Variants in CTNNA3 observed in about 807,000 individuals in gnomAD.
CTNNA3 encodes catenin alpha-3.
In CTNNA3, 76 loss-of-function variants were observed where a neutral mutation model predicts 95.7. The ratio of observed to expected loss-of-function variants is 0.79; its 90% CI spans 0.66 to 0.96. The LOEUF (loss-of-function observed/expected upper bound fraction) is 0.96. Ranked by LOEUF, CTNNA3 falls within the 40% of genes least tolerant of loss-of-function variation. The pLI, the probability that CTNNA3 is intolerant of heterozygous loss-of-function variation, is 0.00. For missense variants in CTNNA3, 1,191 were observed against 1,089.8 expected, an observed-to-expected ratio of 1.09 and a Z score of -1.31; for synonymous variants, 431 against 374.4, an observed-to-expected ratio of 1.15 and a Z score of -1.74.
At chr10:66,812,492 T>A (rs780282328) in intron 7 of CTNNA3, among the ~76,000 whole-genome samples, 13 of 152,168 alleles carry the variant, frequency 8.5e-5, no homozygotes, top group Non-Finnish European at 1.5e-4. Flanking sequence ...TTAGGCTGTA[T>A]AAGTTTGAAT....
At chr10:66,627,473 C>CTT (rs1407224399) in intron 9 of CTNNA3, among the ~76,000 whole-genome samples, 1 of 302 alleles carries the variant, frequency 3.3e-3, no homozygotes, top group African/African-American at 0.011. Context: ...TCCATAAAGT[C>CTT]TTTATTTCTT....
intron 7 of CTNNA3, chr10:66,928,488 C>G (rs781635345): frequency 6.5e-7 from 1 of 1,539,410 alleles, no homozygotes; most frequent in Non-Finnish European, 8.7e-7. Flanking sequence ...CTCTTAAAAG[C>G]TGGGAAATAA....
intron 7 of CTNNA3, among the ~76,000 whole-genome samples, chr10:67,051,453 T>C (rs1855090017): frequency 9.6e-6 from 1 of 104,224 alleles, no homozygotes; most frequent in African/African-American, 3.5e-5. Context: ...TTTTTTCTTT[T>C]TTCTTTTTTC....
chr10:66,667,553 T>TA (rs1846500637), intron 9 of CTNNA3, among the ~76,000 whole-genome samples: 1 of 152,196 alleles, frequency 6.6e-6, no homozygotes, highest in African/African-American at 2.4e-5. Context: ...TATTTTTTTT[T>TA]ATTTGTACAC....
At chr10:67,116,621 G>C (rs1271640038) in intron 7 of CTNNA3, among the ~76,000 whole-genome samples, 1 of 151,166 alleles carries the variant, frequency 6.6e-6, no homozygotes, top group African/African-American at 2.4e-5. Flanking sequence ...TTATATAAAG[G>C]CTACAGTCAA....
chr10:67,760,739 G>A (rs1162638443), intron 1 of CTNNA3, among the ~76,000 whole-genome samples: 1 of 152,084 alleles, frequency 6.6e-6, no homozygotes, highest in Non-Finnish European at 1.5e-5. Flanking sequence ...TCTCATAGGA[G>A]CATGAACCCT....
intron 2 of CTNNA3, among the ~76,000 whole-genome samples, chr10:67,626,602 C>A (rs568759842): frequency 6.6e-6 from 1 of 152,290 alleles, no homozygotes; most frequent in East Asian, 1.9e-4. Context: ...TTGAGAACCA[C>A]AACAAAAAGG....
intron 16 of CTNNA3, among the ~76,000 whole-genome samples, chr10:65,970,944 A>G (rs2078085000): frequency 6.6e-6 from 1 of 151,334 alleles, no homozygotes; most frequent in South Asian, 2.1e-4. Context: ...TCAACAACTC[A>G]CTAAAAGTGT....
chr10:66,175,935 G>A (rs1464567233), intron 13 of CTNNA3, among the ~76,000 whole-genome samples: 1 of 152,142 alleles, frequency 6.6e-6, no homozygotes, highest in East Asian at 1.9e-4. Flanking sequence ...CTAACACAGG[G>A]ATAAGCTCAA....
chr10:67,553,296 C>T (rs1307634335), intron 3 of CTNNA3, among the ~76,000 whole-genome samples: 6 of 151,876 alleles, frequency 4.0e-5, no homozygotes, highest in Non-Finnish European at 2.9e-5. Flanking sequence ...ATATTATGTA[C>T]AAAATTTAAT....
At chr10:66,479,885 G>T (rs1243269522) in intron 11 of CTNNA3, among the ~76,000 whole-genome samples, 2 of 150,686 alleles carry the variant, frequency 1.3e-5, no homozygotes, top group East Asian at 3.9e-4. Flanking sequence ...ACATCTTTCT[G>T]CACATTCTCA....
At chr10:66,611,206 G>A (rs935135194) in intron 10 of CTNNA3, among the ~76,000 whole-genome samples, 7 of 152,096 alleles carry the variant, frequency 4.6e-5, no homozygotes, top group African/African-American at 1.7e-4. Context: ...AGTAAGTTCA[G>A]GTATTAGATA....
At chr10:67,373,544 C>T (rs1402672684) in intron 5 of CTNNA3, among the ~76,000 whole-genome samples, 3 of 152,136 alleles carry the variant, frequency 2.0e-5, no homozygotes, top group African/African-American at 4.8e-5. Context: ...TAACACCCAA[C>T]TGTCAACATT....
At chr10:67,167,959 C>T (rs1045116822) in intron 7 of CTNNA3, among the ~76,000 whole-genome samples, 1 of 152,068 alleles carries the variant, frequency 6.6e-6, no homozygotes, top group Non-Finnish European at 1.5e-5. Context: ...ATGGTGAAAC[C>T]CCATCTCTAC....
chr10:66,400,317 A>C (rs2093010501), intron 11 of CTNNA3, among the ~76,000 whole-genome samples: 2 of 152,178 alleles, frequency 1.3e-5, no homozygotes, highest in African/African-American at 4.8e-5. Flanking sequence ...GGAACATGAG[A>C]TAATTAGTAA....
chr10:66,579,074 A>G (rs1843101214), intron 10 of CTNNA3, among the ~76,000 whole-genome samples: 1 of 151,012 alleles, frequency 6.6e-6, no homozygotes, highest in South Asian at 2.1e-4. Flanking sequence ...GGGAGGGTGA[A>G]TTTCCAGGAA....
At chr10:66,434,549 AG>A (rs1384049828) in intron 11 of CTNNA3, among the ~76,000 whole-genome samples, 1 of 152,156 alleles carries the variant, frequency 6.6e-6, no homozygotes, top group Non-Finnish European at 1.5e-5. Flanking sequence ...TTTGGGGCTG[AG>A]ATGACAGGGT....
intron 15 of CTNNA3, among the ~76,000 whole-genome samples, chr10:66,064,039 T>A (rs1391361260): frequency 6.6e-6 from 1 of 152,146 alleles, no homozygotes; most frequent in African/African-American, 2.4e-5. Flanking sequence ...GGGTAATTTA[T>A]AAGAGGAAGA....
rs569839432 is a variant in CTNNA3, at chr10:66,358,391, G to T, written c.1732+20761C>A. On this transcript the variant is annotated intron_variant, in intron 12 of 17. Coordinates refer to ENST00000433211, the MANE Select transcript of CTNNA3 (RefSeq NM_013266.4). ...TCCAGGGAACATATTATTGTATGGG[G>T]TTATCCTTCAAACTCTGATTTCCTC... Among the ~76,000 whole-genome samples the T allele has an allele frequency of 4.7e-4, 71 of 152,212 alleles. 1 individual carries two copies. Among genetic ancestry groups the T allele is most frequent in the African/African-American group, 1.7e-3 (70 of 41,540 alleles).
Sources: allele counts gnomAD v4.1 joint callset (sites outside exome capture counted in the v4.1 genomes callset), GRCh38; gene constraint gnomAD v4.1.1; transcripts MANE v1.5; gene names NCBI Gene and HGNC (gene_info 2026-07-23, HGNC 2026-07-21).